CFHR5: variants seen among roughly 807,000 people sequenced by gnomAD.
CFHR5 encodes complement factor H related 5, also known as complement factor H-related protein 5.
In CFHR5, 73 loss-of-function variants were observed where a neutral mutation model predicts 62.9. That is an observed-to-expected ratio of 1.16 (90% CI 0.96 to 1.41). The LOEUF (loss-of-function observed/expected upper bound fraction) is 1.41, where lower values mean the gene tolerates loss of function less well. CFHR5 is among the 40% of genes most tolerant of loss of function. The pLI, the probability that CFHR5 is intolerant of heterozygous loss-of-function variation, is 0.00. For synonymous variants in CFHR5, 249 were observed against 227.2 expected, an observed-to-expected ratio of 1.10 and a Z score of -0.86; for missense variants, 779 against 679.9, an observed-to-expected ratio of 1.15 and a Z score of -1.62.
rs1336429482 is a variant in CFHR5, at chr1:197,009,548, C to T, written c.*865C>T. ...CATGTTATTATCACTTAAAAACCTG[C>T]GAAAGCTGTCAACTTTTGTGGTTGT... On this transcript the variant is annotated 3_prime_UTR_variant, in exon 10 of 10. Transcript: ENST00000256785. 1 of 152,104 alleles carries T rather than the reference C, an allele frequency of 6.6e-6. No homozygotes were observed. The highest frequency in any genetic ancestry group is 2.4e-5 in the African/African-American group (1 of 41,410). 9.4% of individuals were successfully genotyped at this position (152,104 alleles called of 1,614,324 possible).
upstream of CFHR5, among the ~76,000 whole-genome samples, chr1:196,975,775 G>A (rs1365886394): frequency 6.6e-6 from 1 of 152,162 alleles, no homozygotes; most frequent in Non-Finnish European, 1.5e-5. Context: ...AGTTGCCTTT[G>A]TTTTTCTTGT....
intron 1 of CFHR5, 109 bp downstream of exon 1, chr1:196,977,831 T>C (rs1235370937): frequency 2.4e-6 from 2 of 849,992 alleles, no homozygotes; most frequent in African/African-American, 3.3e-5. Flanking sequence ...CTGAGGATAA[T>C]TTGAAGGGGT....
chr1:197,008,693 A>G lies in CFHR5; in HGVS notation c.*10A>G, dbSNP rs750843342. On this transcript the variant is annotated 3_prime_UTR_variant, in exon 10 of 10. Coordinates refer to ENST00000256785, the MANE Select transcript of CFHR5 (RefSeq NM_030787.4). ...TCCTATATGTGAATGAAGCAAGCAT[A>G]ATTTTCCTGAATATATTCTTCAAAC... is the stretch of plus-strand genomic sequence containing the variant. 37 of 1,598,878 alleles carry G rather than the reference A, an allele frequency of 2.3e-5. No homozygotes were observed. The Admixed American group carries it at 6.2e-4, about 27-fold the overall frequency.
intron 8 of CFHR5, among the ~76,000 whole-genome samples, chr1:197,004,108 C>T (rs901523062): frequency 1.1e-4 from 17 of 152,078 alleles, no homozygotes; most frequent in Non-Finnish European, 2.4e-4. Context: ...GTATTCCAGC[C>T]AATCTTAGCA....
chr1:196,987,174 G>C (rs1294530211), intron 3 of CFHR5, among the ~76,000 whole-genome samples: 1 of 152,152 alleles, frequency 6.6e-6, no homozygotes, highest in Admixed American at 6.5e-5. Flanking sequence ...CTTCTTTTAA[G>C]AAGTGTCTGT....
chr1:197,008,646 G>C lies in CFHR5; in HGVS notation c.1673G>C (p.Cys558Ser). The part of the protein sequence containing the change: ...MISSPPFRAI[C>S]QEGKFEYPIC... Reference sequence around the variant, plus strand: ...TCATCACCACCATTTCGAGCAATCTGTCAGGAAGGGAAATTTGAATATCCT... The same window carrying C: ...TCATCACCACCATTTCGAGCAATCTCTCAGGAAGGGAAATTTGAATATCCT... The change falls in exon 10 of 10, where the codon TGT (cysteine) becomes TCT (serine). Residue 558 changes from cysteine (C) to serine (S), a missense_variant. Transcript: ENST00000256785. 1 of 1,613,854 alleles carries C rather than the reference G, an allele frequency of 6.2e-7. No individual in the cohort carries two copies. Among genetic ancestry groups the C allele is most frequent in the Non-Finnish European group, 8.5e-7 (1 of 1,179,848 alleles).
intron 1 of CFHR5, among the ~76,000 whole-genome samples, chr1:196,981,565 A>G (rs1022758692): frequency 1.3e-5 from 2 of 152,020 alleles, no homozygotes; most frequent in Non-Finnish European, 2.9e-5. Flanking sequence ...CCCATTTTCT[A>G]CATTGTTTTA....
rs546755845 is a variant in CFHR5, at chr1:197,007,518, A to G, written c.1514-969A>G. 6.2e-4 allele frequency among the ~76,000 whole-genome samples: 94 copies of G among 151,754 alleles called. 1 individual carries two copies. Among genetic ancestry groups the G allele is most frequent in the Non-Finnish European group, 4.1e-4 (28 of 67,908 alleles). ...ATCGGCAAAAAGAAAAAAGTATATAACATAAAGACTTGGCAAGGATGTGGA... is the reference window on the plus strand; with the variant it reads ...ATCGGCAAAAAGAAAAAAGTATATAGCATAAAGACTTGGCAAGGATGTGGA... On this transcript the variant is annotated intron_variant, in intron 9 of 9. Transcript: ENST00000256785.
At chr1:196,988,144 G>A (rs978463009) in intron 3 of CFHR5, among the ~76,000 whole-genome samples, 3 of 152,140 alleles carry the variant, frequency 2.0e-5, no homozygotes, top group Non-Finnish European at 2.9e-5. Context: ...GAGAAGGGGA[G>A]TTCACTCATG....
intron 2 of CFHR5, 110 bp downstream of exon 2, chr1:196,983,189 T>TG: frequency 3.5e-6 from 5 of 1,426,182 alleles, no homozygotes; most frequent in Non-Finnish European, 4.9e-6. Context: ...CCAGAGGAGC[T>TG]GGAAAAATGG....
chr1:196,976,799 C>CTTTTTTTTTTTT (rs10588279), upstream of CFHR5, among the ~76,000 whole-genome samples: 4 of 98,158 alleles, frequency 4.1e-5, no homozygotes, highest in African/African-American at 4.7e-5. Flanking sequence ...AAAAATTATT[C>CTTTTTTTTTTTT]TTTTTTTTTT....
At chr1:197,003,612 A>G (rs750829740) in intron 8 of CFHR5, among the ~76,000 whole-genome samples, 1 of 152,176 alleles carries the variant, frequency 6.6e-6, no homozygotes, top group Non-Finnish European at 1.5e-5. Context: ...TGAACAATCT[A>G]TTTATCTAAA....
At position 196,983,097 on chromosome 1, in the gene CFHR5, T is replaced by C. The variant is rs750261960; in HGVS notation, c.253+18T>C. 5 of 1,613,524 alleles carry C rather than the reference T, an allele frequency of 3.1e-6. No homozygotes were observed. The highest frequency in any genetic ancestry group is 1.7e-5 in the Admixed American group (1 of 60,018). On this transcript the variant is annotated intron_variant, in intron 2 of 9. Transcript: ENST00000256785. ...GTGTCTCAGTGAGTAAATGCCCTGT[T>C]CATTAAATGGATGTCATTCAGTGAA... is the stretch of plus-strand genomic sequence containing the variant.
At chr1:197,007,046 A>G (rs1337880975) in intron 9 of CFHR5, among the ~76,000 whole-genome samples, 1 of 151,722 alleles carries the variant, frequency 6.6e-6, no homozygotes, top group African/African-American at 2.4e-5. Flanking sequence ...CCTGTTGGCC[A>G]GGCTGGTCTT....
chr1:196,994,466 A>C (rs908077919), intron 4 of CFHR5, among the ~76,000 whole-genome samples: 3 of 152,210 alleles, frequency 2.0e-5, no homozygotes, highest in Non-Finnish European at 2.9e-5. Flanking sequence ...TTTACAATAC[A>C]TAATAGGATT....
intron 9 of CFHR5, among the ~76,000 whole-genome samples, chr1:197,007,541 GGA>G (rs1654319509): frequency 6.6e-6 from 1 of 151,234 alleles, no homozygotes; most frequent in Non-Finnish European, 1.5e-5. Flanking sequence ...GCAAGGATGT[GGA>G]GAGTTAAGCA....
chr1:197,001,571 C>T (rs1558289752), intron 7 of CFHR5, among the ~76,000 whole-genome samples: 1 of 151,202 alleles, frequency 6.6e-6, no homozygotes, highest in Non-Finnish European at 1.5e-5. Context: ...TATTGTTATA[C>T]TTTAAGTTTT....
intron 8 of CFHR5, 147 bp downstream of exon 8, chr1:197,002,811 T>TA: frequency 1.5e-6 from 1 of 676,612 alleles, no homozygotes; most frequent in Admixed American, 2.9e-5. Context: ...TTCTGTCATT[T>TA]AAAAAAGTTT....
chr1:197,002,417 T>C (rs887500115), intron 7 of CFHR5, 65 bp from the exon 8 acceptor site: 1 of 1,202,872 alleles, frequency 8.3e-7, no homozygotes, highest in African/African-American at 1.5e-5. Context: ...CCTGAAACAC[T>C]ACCCTATTGA....
Sources: allele counts gnomAD v4.1 joint callset (sites outside exome capture counted in the v4.1 genomes callset), GRCh38; gene constraint gnomAD v4.1.1; transcripts MANE v1.5; gene names NCBI Gene and HGNC (gene_info 2026-07-23, HGNC 2026-07-21).